The following CHRNB4 variants were observed in gnomAD, a reference collection of about 807,000 sequenced individuals.
CHRNB4 encodes the protein neuronal acetylcholine receptor subunit beta-4.
In CHRNB4, 23 loss-of-function variants were observed where a neutral mutation model predicts 40.4. The ratio of observed to expected loss-of-function variants is 0.57; its 90% CI spans 0.41 to 0.81. The LOEUF is 0.81. CHRNB4 is among the 30% of genes least tolerant of loss of function. The probability of loss-of-function intolerance (pLI) is 0.00; values close to 1 mark genes in which losing one functional copy is unlikely to be tolerated. For synonymous variants in CHRNB4, 285 were observed against 274.4 expected (o/e 1.04, Z -0.38); for missense variants, 568 against 670.6 (o/e 0.85, Z 1.69).
chr15:78,635,690 G>T, intron 1 of CHRNB4, 103 bp from the exon 2 acceptor site: 1 of 1,513,428 alleles, frequency 6.6e-7, no homozygotes, highest in South Asian at 1.2e-5. Flanking sequence ...GTGCCCTTAG[G>T]GCTGGCTGAA....
In CHRNB4 at chr15:78,654,600, G is replaced by A. The variant is rs77597850; in HGVS notation, c.-110+944C>T. ...GAGATCAAGAGTATCTTCCGTGTACGTGCTGTGAAAAATAGGCAATGTGAA... is the reference window on the plus strand; with the variant it reads ...GAGATCAAGAGTATCTTCCGTGTACATGCTGTGAAAAATAGGCAATGTGAA... On this transcript the variant is annotated intron_variant and NMD_transcript_variant, in intron 5 of 11. Coordinates refer to the CHRNB4 transcript ENST00000559849. 8.8e-3 allele frequency among the ~76,000 whole-genome samples: 1,343 copies of A among 152,224 alleles called. 33 individuals are homozygous for A. Among genetic ancestry groups the A allele is most frequent in the East Asian group, 0.084 (434 of 5,188 alleles).
At chr15:78,660,899 T>A (rs999456986), upstream of CHRNB4, 32 of 370,024 alleles carry the variant, frequency 8.6e-5, no homozygotes, top group Non-Finnish European at 5.2e-5. Flanking sequence ...CTTCTCAAAC[T>A]TTCACGTGCA....
chr15:78,633,988 A>T (rs1249886409), intron 2 of CHRNB4, among the ~76,000 whole-genome samples: 1 of 152,136 alleles, frequency 6.6e-6, no homozygotes, highest in Non-Finnish European at 1.5e-5. Flanking sequence ...AGTCAATGAC[A>T]AAACAGCTGC....
chr15:78,641,628 G>T (rs898269598), upstream of CHRNB4, among the ~76,000 whole-genome samples: 2 of 152,208 alleles, frequency 1.3e-5, no homozygotes, highest in African/African-American at 4.8e-5. Flanking sequence ...GACACTGCTG[G>T]GTGAGCCGAC....
chr15:78,651,239 T>C (rs955661414), intron 6 of CHRNB4, among the ~76,000 whole-genome samples: 1 of 152,108 alleles, frequency 6.6e-6, no homozygotes, highest in Admixed American at 6.6e-5. Context: ...TCAGGGTTCA[T>C]GGATAAAACA....
chr15:78,659,887 C>T (rs538862103), intron 1 of CHRNB4, among the ~76,000 whole-genome samples: 116 of 152,234 alleles, frequency 7.6e-4, no homozygotes, highest in Middle Eastern at 3.4e-3. Context: ...GAGCAGGGAA[C>T]CAGTGAGGAG....
intron 5 of CHRNB4, chr15:78,626,695 C>T (rs560106780): frequency 6.6e-6 from 1 of 152,300 alleles, no homozygotes; most frequent in East Asian, 1.9e-4. Context: ...GCTTTGAAAG[C>T]CTCCTTATTG....
upstream of CHRNB4, among the ~76,000 whole-genome samples, chr15:78,644,155 T>A (rs1316953220): frequency 6.7e-6 from 1 of 149,714 alleles, no homozygotes; most frequent in Non-Finnish European, 1.5e-5. Flanking sequence ...AGAGCGAGAC[T>A]CTGTCTCAAA....
chr15:78,637,492 C>T (rs11072770), intron 1 of CHRNB4, among the ~76,000 whole-genome samples: 150,714 of 150,752 alleles, frequency 1, 75,338 homozygotes, highest in Middle Eastern at 1. Flanking sequence ...TAAGAGGGGC[C>T]GGAGAGGTGG....
intron 1 of CHRNB4, among the ~76,000 whole-genome samples, chr15:78,637,434 C>A (rs2053975741): frequency 6.7e-6 from 1 of 150,010 alleles, no homozygotes; most frequent in South Asian, 2.1e-4. Context: ...TGAGAATGAG[C>A]AGAAGAAACA....
rs781602040 is a variant in CHRNB4 at position 78,625,175 on chromosome 15, G to A, written c.1455C>T (p.Thr485=). ...CGTAGGGCCCCTCAGAAGCTGCATG[G>A]GTCTGGAAGAGGGGCGGTAGGAAGA... ...VGLFLPPLFQ[T]HAASEGPYAA... Residue 485 remains threonine, a synonymous_variant, in exon 6 of 6, where the codon ACC becomes ACT. Coordinates refer to ENST00000261751, the MANE Select transcript of CHRNB4 (RefSeq NM_000750.5). 2 of 1,612,558 alleles carry A rather than the reference G, an allele frequency of 1.2e-6. No individual in the cohort carries two copies. The highest frequency in any genetic ancestry group is 4.5e-5 in the East Asian group (2 of 44,876).
rs2053809031 is a variant in CHRNB4, at chr15:78,631,400, T to C, written c.205-68A>G. The stretch of plus-strand genomic sequence containing the variant: ...GCCTCACAAATGGATTGCACTTTAT[T>C]GTGCAAAAGGCTGTGAGCTCCAGGC... On this transcript the variant is annotated intron_variant, in intron 2 of 5. Coordinates refer to ENST00000261751, the MANE Select transcript of CHRNB4 (RefSeq NM_000750.5). The C allele has an allele frequency of 2.6e-6, 4 of 1,512,548 alleles. No individual in the cohort carries two copies. The South Asian group carries it at 3.5e-5, about 13-fold the overall frequency. 93.7% of individuals were successfully genotyped at this position (1,512,548 alleles called of 1,614,324 possible). A position where few individuals can be genotyped will look rare whatever the true frequency, so the allele number is the denominator to read the frequency against.
chr15:78,635,394 G>A (rs760602243), intron 2 of CHRNB4, 45 bp downstream of exon 2: 19 of 1,600,306 alleles, frequency 1.2e-5, no homozygotes, highest in Non-Finnish European at 1.4e-5. Flanking sequence ...GGGCATGAGC[G>A]GCCTCTCCAC....
In CHRNB4 at chr15:78,629,920, C is replaced by CA; in HGVS notation, c.384dup (p.Val129CysfsTer28). The stretch of plus-strand genomic sequence containing the variant: ...GACCGGACTATCAAGTTGGTGTAGA[C>CA]AGACACCTCATAGGTCCCGTCGGCG... On this transcript the variant is annotated frameshift_variant, in exon 5 of 6. Coordinates refer to ENST00000261751, the MANE Select transcript of CHRNB4 (RefSeq NM_000750.5). LOFTEE classifies it high-confidence loss of function. This position sits in a 1 kb window ranked among gnomAD's most constrained non-coding sequence, Gnocchi z 6.8. 6.2e-7 allele frequency: 1 copy of CA among 1,602,394 alleles called. No homozygotes were observed. Among genetic ancestry groups the CA allele is most frequent in the African/African-American group, 1.3e-5 (1 of 74,860 alleles).
chr15:78,656,394 G>A (rs1304717030), exon 4 of CHRNB4: 1 of 150,886 alleles, frequency 6.6e-6, no homozygotes, highest in Non-Finnish European at 1.5e-5. Context: ...AGGGTGACTA[G>A]GGTTAAACAA....
In CHRNB4 at chr15:78,625,270, C is replaced by T. The variant is rs758036577; in HGVS notation, c.1360G>A (p.Val454Met). 7 of 1,546,868 alleles carry T rather than the reference C, an allele frequency of 4.5e-6. No individual in the cohort carries two copies. The highest frequency in any genetic ancestry group is 1.7e-4 in the Middle Eastern group (1 of 5,730). ...AACAGCCGGTCCACCACCATAGCCACGTACTTCCAGTCCTCAACGACCTGC... is the reference window on the plus strand; with the variant it reads ...AACAGCCGGTCCACCACCATAGCCATGTACTTCCAGTCCTCAACGACCTGC... ...DQSVVEDWKY[V>M]AMVVDRLFLW... Residue 454 changes from valine (V) to methionine (M), a missense_variant, in exon 6 of 6, where the codon GTG becomes ATG. By Grantham distance (21) the Val-to-Met change is conservative. Around this residue, in one of 4 missense-constraint regions of CHRNB4, gnomAD observed 242 missense variants for 274.9 expected, o/e 0.88. Coordinates refer to ENST00000261751, the MANE Select transcript of CHRNB4 (RefSeq NM_000750.5).
upstream of CHRNB4, among the ~76,000 whole-genome samples, chr15:78,643,993 CAAAAAA>C (rs34477808): frequency 2.6e-5 from 3 of 115,956 alleles, no homozygotes; most frequent in Non-Finnish European, 3.7e-5. Flanking sequence ...ACTAAAAATA[CAAAAAA>C]AAAAAAAAAA....
upstream of CHRNB4, among the ~76,000 whole-genome samples, chr15:78,644,186 C>T (rs1220868068): frequency 6.6e-6 from 1 of 151,232 alleles, no homozygotes; most frequent in Non-Finnish European, 1.5e-5. Context: ...ATTCTATTCA[C>T]AATAGTAACA....
exon 4 of CHRNB4, chr15:78,656,387 G>T (rs980880451): frequency 1.2e-4 from 18 of 151,310 alleles, no homozygotes; most frequent in African/African-American, 4.4e-4. Flanking sequence ...GCATAGTAGG[G>T]TGACTAGGGT....
Sources: gnomAD v4.1 joint callset for allele counts (sites outside exome capture counted in the v4.1 genomes callset) on GRCh38, gnomAD v4.1.1 for gene constraint, gnomAD v4.1.1 regional missense constraint, Gnocchi (gnomAD v3.1) non-coding constraint, MANE v1.5 for transcripts, NCBI Gene and HGNC (gene_info 2026-07-23, HGNC 2026-07-21) for gene names.